FGF14: variants seen among roughly 807,000 people sequenced by gnomAD.
FGF14 encodes the protein fibroblast growth factor 14.
A neutral mutation model predicts 25.5 loss-of-function variants in FGF14; 5 were observed. The observed-to-expected ratio is 0.20, with a 90% CI of 0.10 to 0.41. The LOEUF (loss-of-function observed/expected upper bound fraction) is 0.41, where lower values mean the gene tolerates loss of function less well. Ranked by LOEUF, FGF14 falls within the 10% of genes least tolerant of loss-of-function variation. The pLI, the probability that FGF14 is intolerant of heterozygous loss-of-function variation, is 1.00. For missense variants in FGF14, 222 were observed against 320.1 expected (o/e 0.69, Z 2.34); for synonymous variants, 138 against 118.3 (o/e 1.17, Z -1.08).
At chr13:102,007,885 T>G (rs144264793) in intron 1 of FGF14, among the ~76,000 whole-genome samples, 1 of 152,298 alleles carries the variant, frequency 6.6e-6, no homozygotes, top group Admixed American at 6.5e-5. Flanking sequence ...TGGAATAAAG[T>G]GGAGCAGATG....
At chr13:102,006,726 T>TC (rs2039812491) in intron 1 of FGF14, among the ~76,000 whole-genome samples, 1 of 127,484 alleles carries the variant, frequency 7.8e-6, no homozygotes, top group Non-Finnish European at 1.6e-5. Context: ...AAATCTTACT[T>TC]CTTTTTTTTT....
chr13:102,015,064 C>A (rs186647335), intron 1 of FGF14, among the ~76,000 whole-genome samples: 2 of 152,270 alleles, frequency 1.3e-5, no homozygotes, highest in African/African-American at 4.8e-5. Context: ...TGTGCCACAA[C>A]GCCTGGCTAA....
Position 102,229,338 on chromosome 13 carries a change from G to T in FGF14, c.208+172133C>A, listed in dbSNP as rs577994641. On this transcript the variant is annotated intron_variant, in intron 1 of 4. Coordinates refer to the FGF14 transcript ENST00000376131. ...GGACTCCATGCAGAAAATCTCACATGACTTTTACAACTTCATCCCCACAAC... is the reference window on the plus strand; with the variant it reads ...GGACTCCATGCAGAAAATCTCACATTACTTTTACAACTTCATCCCCACAAC... Among the ~76,000 whole-genome samples the T allele has an allele frequency of 3.9e-5, 6 of 152,282 alleles. No homozygotes were observed. In the South Asian group the frequency reaches 1.0e-3, roughly 26 times the overall value.
rs537687728 is a variant in FGF14 at position 102,347,420 on chromosome 13, C to T, written c.208+54051G>A. On this transcript the variant is annotated intron_variant, in intron 1 of 4. Coordinates refer to the FGF14 transcript ENST00000376131. ...AGCTTGTCATCGGTGTCACAGAAGA[C>T]CCCCCTGAGATGGTGAGGTGGATGT... Among the ~76,000 whole-genome samples, 16 of 152,128 alleles carry T rather than the reference C, an allele frequency of 1.1e-4. No homozygotes were observed. The East Asian group carries it at 2.7e-3, about 26-fold the overall frequency.
intron 1 of FGF14, among the ~76,000 whole-genome samples, chr13:101,890,137 A>G (rs1486131948): frequency 1.3e-5 from 2 of 152,180 alleles, no homozygotes; most frequent in Admixed American, 1.3e-4. Context: ...TAGACTAAAA[A>G]GTGTAATAGT....
intron 3 of FGF14, chr13:101,802,043 G>C (rs1033434475): frequency 2.7e-5 from 11 of 404,114 alleles, no homozygotes; most frequent in African/African-American, 2.3e-4. Context: ...GTCTAGGAAA[G>C]ATAAGTATAA....
intron 1 of FGF14, among the ~76,000 whole-genome samples, chr13:102,318,285 G>A (rs1033880506): frequency 2.0e-5 from 3 of 152,258 alleles, no homozygotes; most frequent in South Asian, 2.1e-4. Flanking sequence ...GGAGCTGCTG[G>A]CAGCAGGGGG....
At chr13:101,755,631 T>A (rs1341009345) in intron 3 of FGF14, among the ~76,000 whole-genome samples, 1 of 152,236 alleles carries the variant, frequency 6.6e-6, no homozygotes, top group Non-Finnish European at 1.5e-5. Context: ...AGAAACTGCC[T>A]GAATTGCTGT....
intron 1 of FGF14, among the ~76,000 whole-genome samples, chr13:101,978,291 G>C (rs1362939401): frequency 6.6e-6 from 1 of 152,148 alleles, no homozygotes; most frequent in Non-Finnish European, 1.5e-5. Context: ...TGTGCAGAAT[G>C]GTGATATTTG....
chr13:102,265,853 T>A (rs2052961586), intron 1 of FGF14, among the ~76,000 whole-genome samples: 1 of 152,108 alleles, frequency 6.6e-6, no homozygotes, highest in East Asian at 1.9e-4. Flanking sequence ...ATGCTTACTT[T>A]GATTACTCTA....
intron 1 of FGF14, among the ~76,000 whole-genome samples, chr13:101,914,377 T>C (rs2033261213): frequency 6.6e-6 from 1 of 151,874 alleles, no homozygotes; most frequent in South Asian, 2.1e-4. Context: ...ATATATATAC[T>C]TTTATATAAG....
chr13:101,970,172 G>A lies in FGF14; in HGVS notation c.209-94876C>T, dbSNP rs1351045162. On this transcript the variant is annotated intron_variant, in intron 1 of 4. Coordinates refer to the FGF14 transcript ENST00000376131. ...GCTCAGAGAGGCTGAATATTTTTCG[G>A]TTCTTTACAGAGACAATACACAGGA... Among the ~76,000 whole-genome samples the A allele has an allele frequency of 2.0e-5, 3 of 152,264 alleles. No homozygotes were observed. In the East Asian group the frequency reaches 5.8e-4, roughly 29 times the overall value.
At position 101,784,745 on chromosome 13, in the gene FGF14, T is replaced by A. The variant is rs576862141; in HGVS notation, c.409-57935A>T. Among the ~76,000 whole-genome samples, 98 of 152,326 alleles carry A rather than the reference T, an allele frequency of 6.4e-4. 1 individual carries two copies. Among genetic ancestry groups the A allele is most frequent in the African/African-American group, 2.2e-3 (93 of 41,574 alleles). On this transcript the variant is annotated intron_variant, in intron 3 of 4. Transcript: ENST00000376143. ...CTCATGGCTTTCCAGGGTCAGCATG[T>A]GTTTATGAAACACCTGCTGTGTGTC...
intron 1 of FGF14, among the ~76,000 whole-genome samples, chr13:102,264,989 T>C (rs749783230): frequency 3.3e-5 from 5 of 152,144 alleles, no homozygotes; most frequent in Non-Finnish European, 7.4e-5. Flanking sequence ...TGTCATTCTG[T>C]ATCATAAAGA....
At chr13:101,831,729 G>A (rs2042679917) in intron 3 of FGF14, among the ~76,000 whole-genome samples, 2 of 152,072 alleles carry the variant, frequency 1.3e-5, no homozygotes, top group South Asian at 4.1e-4. Context: ...CTGTCAATGA[G>A]CTAGAAAGTT....
chr13:101,907,449 T>C (rs914654687), intron 1 of FGF14, among the ~76,000 whole-genome samples: 2 of 152,132 alleles, frequency 1.3e-5, no homozygotes, highest in Non-Finnish European at 2.9e-5. Flanking sequence ...TAGTAAAAAA[T>C]ACAAATTTAT....
chr13:101,730,106 A>T (rs979948339), intron 3 of FGF14, among the ~76,000 whole-genome samples: 9 of 152,214 alleles, frequency 5.9e-5, no homozygotes, highest in Non-Finnish European at 1.0e-4. Context: ...AACAAATTAG[A>T]TGTCTTATAA....
intron 1 of FGF14, among the ~76,000 whole-genome samples, chr13:102,300,590 T>G (rs1395620883): frequency 6.6e-6 from 1 of 152,142 alleles, no homozygotes; most frequent in Non-Finnish European, 1.5e-5. Flanking sequence ...GTTACCAAAG[T>G]GTGCCCAATC....
Position 102,179,568 on chromosome 13 carries a change from G to A in FGF14, c.208+221903C>T, listed in dbSNP as rs1039658336. Among the ~76,000 whole-genome samples, 12 of 152,150 alleles carry A rather than the reference G, an allele frequency of 7.9e-5. No individual in the cohort carries two copies. The East Asian group carries it at 2.1e-3, about 27-fold the overall frequency. ...CTTATATAATGCTTATTATGCACCA[G>A]GCACTCTCCAAAACACTTTATACTT... is the stretch of plus-strand genomic sequence containing the variant. On this transcript the variant is annotated intron_variant, in intron 1 of 4. Coordinates refer to the FGF14 transcript ENST00000376131.
Sources: gnomAD v4.1 joint callset for allele counts (sites outside exome capture counted in the v4.1 genomes callset) on GRCh38, gnomAD v4.1.1 for gene constraint, MANE v1.5 for transcripts, NCBI Gene and HGNC (gene_info 2026-07-23, HGNC 2026-07-21) for gene names.